Variants in P2RY8 observed in about 807,000 individuals in gnomAD.
P2RY8 encodes P2Y receptor family member 8, also known as S-geranylgeranyl-glutathione receptor P2RY8.
A neutral mutation model predicts 10.0 loss-of-function variants in P2RY8; 6 were observed. The ratio of observed to expected loss-of-function variants is 0.60; its 90% CI spans 0.33 to 1.19. P2RY8 has a LOEUF of 1.19. Among genes scored for constraint, P2RY8 ranks in the 50% most tolerant of loss-of-function variants. P2RY8 has a pLI of 0.04. For synonymous variants in P2RY8, 276 were observed against 252.5 expected (o/e 1.09, Z -0.88); for missense variants, 456 against 542.0 (o/e 0.84, Z 1.58).
chrX:1,498,509 C>T (rs1193934388), intron 1 of P2RY8, among the ~76,000 whole-genome samples: 1 of 142,814 alleles, frequency 7.0e-6, no homozygotes, highest in Non-Finnish European at 1.6e-5. Context: ...GGACCTGCAA[C>T]AGCCAACTCT....
At chrX:1,481,673 G>A (rs1459237665) in intron 1 of P2RY8, among the ~76,000 whole-genome samples, 6 of 151,902 alleles carry the variant, frequency 3.9e-5, no homozygotes, top group Non-Finnish European at 8.8e-5. Flanking sequence ...TCCAACCCTC[G>A]CACCCTCAAA....
chrX:1,526,179 A>G (rs2092439018), intron 1 of P2RY8, among the ~76,000 whole-genome samples: 2 of 150,476 alleles, frequency 1.3e-5, no homozygotes, highest in Admixed American at 1.3e-4. Context: ...TCATCCACTC[A>G]TTCATTCCTT....
chrX:1,469,258 G>A (rs2091749972), intron 1 of P2RY8, among the ~76,000 whole-genome samples: 1 of 148,916 alleles, frequency 6.7e-6, no homozygotes, highest in South Asian at 2.1e-4. Flanking sequence ...CTGTCTCCCT[G>A]CTTCAAGCGA....
intron 1 of P2RY8, among the ~76,000 whole-genome samples, chrX:1,512,597 G>A (rs1386788990): frequency 6.8e-6 from 1 of 148,142 alleles, no homozygotes; most frequent in Admixed American, 6.8e-5. Context: ...AATTTATAAA[G>A]GAAAGAGGTT....
intron 1 of P2RY8, among the ~76,000 whole-genome samples, chrX:1,475,453 A>T (rs1226593220): frequency 1.3e-5 from 2 of 152,248 alleles, no homozygotes; most frequent in African/African-American, 2.4e-5. Context: ...CAATACCTTC[A>T]TCTCAGACTT....
rs780296090 is a variant in P2RY8 at position 1,486,789 on chromosome X, T to C, written c.-24-20207A>G. Among the ~76,000 whole-genome samples, 3 of 152,340 alleles carry C rather than the reference T, an allele frequency of 2.0e-5. No individual in the cohort carries two copies. The South Asian group carries it at 6.2e-4, about 32-fold the overall frequency. The stretch of plus-strand genomic sequence containing the variant: ...TTCCTCAGGTTTCTGGTTTACTTCC[T>C]GCGTCTGAGCTGGCCCTTCCCCTAC... On this transcript the variant is annotated intron_variant, in intron 1 of 1. Transcript: ENST00000381297.
intron 1 of P2RY8, among the ~76,000 whole-genome samples, chrX:1,504,696 A>G (rs2092213836): frequency 6.6e-6 from 1 of 152,062 alleles, no homozygotes; most frequent in South Asian, 2.1e-4. Context: ...TACTAAAAAT[A>G]CAAAATTAGG....
chrX:1,516,524 G>C (rs1425358880), intron 1 of P2RY8, among the ~76,000 whole-genome samples: 1 of 151,382 alleles, frequency 6.6e-6, no homozygotes, highest in African/African-American at 2.4e-5. Flanking sequence ...GATCTCATAA[G>C]AAGAGGAGAT....
At chrX:1,498,874 A>G (rs1251565312) in intron 1 of P2RY8, among the ~76,000 whole-genome samples, 2 of 149,922 alleles carry the variant, frequency 1.3e-5, no homozygotes, top group Non-Finnish European at 3.0e-5. Context: ...CACTCTTGTC[A>G]CCCAGGCTGG....
intron 1 of P2RY8, among the ~76,000 whole-genome samples, chrX:1,498,678 C>A (rs867408761): frequency 2.9e-5 from 4 of 139,002 alleles, no homozygotes; most frequent in Non-Finnish European, 6.2e-5. Context: ...CCACCATGCC[C>A]GGCTAATTTT....
At chrX:1,484,815 C>G (rs1402527103) in intron 1 of P2RY8, among the ~76,000 whole-genome samples, 3 of 148,854 alleles carry the variant, frequency 2.0e-5, no homozygotes, top group Admixed American at 1.3e-4. Flanking sequence ...CCTCTGTGTC[C>G]CATTCAAGTC....
intron 1 of P2RY8, among the ~76,000 whole-genome samples, chrX:1,478,272 T>TGTGTGTGTGTGTGTGTGCGC (rs1318193075): frequency 1.9e-5 from 2 of 103,950 alleles, no homozygotes; most frequent in African/African-American, 3.2e-5. Context: ...TGTGTGTGTG[T>TGTGTGTGTGTGTGTGTGCGC]GCCCAGCAGG....
intron 1 of P2RY8, among the ~76,000 whole-genome samples, chrX:1,524,645 A>ATCCATG (rs1569538712): frequency 4.1e-3 from 173 of 42,190 alleles, no homozygotes; most frequent in African/African-American, 4.7e-3. Context: ...ATCCATCCAT[A>ATCCATG]CATCCATCCA....
chrX:1,509,811 A>ATCATCTATGTATCCATCCAT (rs1569538170), intron 1 of P2RY8, among the ~76,000 whole-genome samples: 61 of 89,142 alleles, frequency 6.8e-4, no homozygotes, highest in African/African-American at 2.0e-3. Context: ...CTATCTATCT[A>ATCATCTATGTATCCATCCAT]TCTATCTATC....
At chrX:1,499,760 G>A (rs2092156047) in intron 1 of P2RY8, among the ~76,000 whole-genome samples, 1 of 152,036 alleles carries the variant, frequency 6.6e-6, no homozygotes, top group Non-Finnish European at 1.5e-5. Flanking sequence ...AAACAGAGCC[G>A]TAAGTAACTT....
intron 1 of P2RY8, among the ~76,000 whole-genome samples, chrX:1,477,226 C>T (rs1435299571): frequency 6.6e-6 from 1 of 151,610 alleles, no homozygotes; most frequent in African/African-American, 2.4e-5. Flanking sequence ...AGAAATTCAC[C>T]ATCTGTCTAT....
intron 1 of P2RY8, among the ~76,000 whole-genome samples, chrX:1,505,682 C>T (rs2092225931): frequency 1.3e-5 from 2 of 151,674 alleles, no homozygotes; most frequent in South Asian, 2.1e-4. Context: ...CCCAGCTACT[C>T]GGGAGGCTGA....
Position 1,466,258 on chromosome X carries a change from C to T in P2RY8, c.301G>A (p.Val101Met), listed in dbSNP as rs750116034. ...GAATACATGTTTGCGTAAAAGGCCA[C>T]GGTCACCACGTTGCAAAGCAGCACC... Reference protein sequence around the residue: ...FGVLLCNVVTVAFYANMYSSI... With the variant: ...FGVLLCNVVTMAFYANMYSSI... The change falls in exon 2 of 2, where the codon GTG (valine) becomes ATG (methionine). Residue 101 changes from valine (V) to methionine (M), a missense_variant. By Grantham distance (21) the Val-to-Met change is conservative. Coordinates refer to ENST00000381297, the MANE Select transcript of P2RY8 (RefSeq NM_178129.5). The T allele has an allele frequency of 6.2e-7, 1 of 1,613,836 alleles. No homozygotes were observed. Among genetic ancestry groups the T allele is most frequent in the Admixed American group, 1.7e-5 (1 of 59,992 alleles).
At chrX:1,472,083 C>A (rs28453181) in intron 1 of P2RY8, among the ~76,000 whole-genome samples, 1 of 152,060 alleles carries the variant, frequency 6.6e-6, no homozygotes, top group African/African-American at 2.4e-5. Context: ...ACAAAACAGA[C>A]GCTGGCTTCA....
Sources: gnomAD v4.1 joint callset for allele counts (sites outside exome capture counted in the v4.1 genomes callset) on GRCh38, gnomAD v4.1.1 for gene constraint, MANE v1.5 for transcripts, NCBI Gene and HGNC (gene_info 2026-07-23, HGNC 2026-07-21) for gene names.